The following FAF1 variants were observed in gnomAD, a reference collection of about 807,000 sequenced individuals.
FAF1 encodes the protein FAS-associated factor 1.
Under a neutral mutation model 92.5 loss-of-function variants are expected in FAF1, and 25 were observed. The ratio of observed to expected loss-of-function variants is 0.27; its 90% CI spans 0.20 to 0.38. FAF1 has a LOEUF of 0.38. Among genes scored for constraint, FAF1 ranks in the 10% least tolerant of loss-of-function variants. The probability of loss-of-function intolerance (pLI) is 1.00; values close to 1 mark genes in which losing one functional copy is unlikely to be tolerated. For synonymous variants in FAF1, 234 were observed against 273.2 expected (o/e 0.86, Z 1.42); for missense variants, 636 against 793.3 (o/e 0.80, Z 2.38).
At chr1:50,730,209 C>T (rs1392512586) in intron 6 of FAF1, among the ~76,000 whole-genome samples, 7 of 151,746 alleles carry the variant, frequency 4.6e-5, no homozygotes, top group African/African-American at 1.7e-4. Flanking sequence ...ATAAAATTTT[C>T]CATTTCACCT....
intron 6 of FAF1, among the ~76,000 whole-genome samples, chr1:50,735,018 G>A (rs1297824580): frequency 6.6e-6 from 1 of 152,152 alleles, no homozygotes; most frequent in Non-Finnish European, 1.5e-5. Context: ...GAATCTGGGT[G>A]AAGCAATCAA....
At chr1:50,819,638 TCACACACACACACA>T (rs375892280) in intron 2 of FAF1, among the ~76,000 whole-genome samples, 4 of 97,818 alleles carry the variant, frequency 4.1e-5, no homozygotes, top group African/African-American at 1.7e-4. Context: ...ACTGACTCAC[TCACACACACACACA>T]CACACACACA....
At chr1:50,566,644 G>C (rs1230465278) in intron 13 of FAF1, among the ~76,000 whole-genome samples, 1 of 152,056 alleles carries the variant, frequency 6.6e-6, no homozygotes, top group Admixed American at 6.6e-5. Flanking sequence ...ATATGCTAGA[G>C]TTAAGCTATT....
At chr1:50,613,968 G>A (rs1387725035) in intron 8 of FAF1, among the ~76,000 whole-genome samples, 1 of 151,910 alleles carries the variant, frequency 6.6e-6, no homozygotes, top group Non-Finnish European at 1.5e-5. Context: ...GTGGTGGCAC[G>A]TGCCTGTAAT....
intron 1 of FAF1, among the ~76,000 whole-genome samples, chr1:50,917,698 GGAAA>G (rs1644931037): frequency 1.5e-5 from 2 of 132,846 alleles, no homozygotes; most frequent in African/African-American, 5.4e-5. Flanking sequence ...GGAAAGGAAA[GGAAA>G]AGAAAGAAAA....
At chr1:50,548,134 T>C (rs2149044856) in intron 13 of FAF1, among the ~76,000 whole-genome samples, 2 of 152,296 alleles carry the variant, frequency 1.3e-5, no homozygotes, top group South Asian at 4.1e-4. Flanking sequence ...TTTTGCCTTT[T>C]ACCAACCAAT....
At chr1:50,927,541 CA>C (rs988313885) in intron 1 of FAF1, among the ~76,000 whole-genome samples, 44 of 150,696 alleles carry the variant, frequency 2.9e-4, no homozygotes, top group South Asian at 6.3e-4. Context: ...ACCCTGTCTC[CA>C]AAAAAAATAA....
At chr1:50,952,808 G>C (rs1175183352) in intron 1 of FAF1, among the ~76,000 whole-genome samples, 1 of 151,678 alleles carries the variant, frequency 6.6e-6, no homozygotes, top group African/African-American at 2.4e-5. Context: ...CCCCGTCTGG[G>C]AAGCGAGGAG....
intron 8 of FAF1, among the ~76,000 whole-genome samples, chr1:50,601,143 C>T (rs774669759): frequency 2.6e-5 from 4 of 152,104 alleles, no homozygotes; most frequent in South Asian, 2.1e-4. Context: ...AGAATCTTTT[C>T]GATGTTTCTT....
intron 4 of FAF1, among the ~76,000 whole-genome samples, chr1:50,785,771 T>G (rs1482636439): frequency 6.6e-6 from 1 of 152,192 alleles, no homozygotes; most frequent in Non-Finnish European, 1.5e-5. Flanking sequence ...TACCATCTAA[T>G]CCAGCAATCC....
chr1:50,939,995 C>T (rs59600829), intron 1 of FAF1, among the ~76,000 whole-genome samples: 10,085 of 152,304 alleles, frequency 0.066, 409 homozygotes, highest in East Asian at 0.095. Context: ...ACTGCAACCA[C>T]TGTCTCATGG....
chr1:50,713,788 T>C (rs2124440403), intron 6 of FAF1, among the ~76,000 whole-genome samples: 1 of 150,668 alleles, frequency 6.6e-6, no homozygotes, highest in East Asian at 2.0e-4. Flanking sequence ...TTTTTTTTTT[T>C]TTTGAGATGG....
intron 8 of FAF1, among the ~76,000 whole-genome samples, chr1:50,640,152 G>A (rs78171786): frequency 0.031 from 4,700 of 151,870 alleles, 252 homozygotes; most frequent in African/African-American, 0.11. Flanking sequence ...CCAATGTCTC[G>A]GACCAATTTT....
chr1:50,784,935 A>G (rs1048755971), intron 4 of FAF1, among the ~76,000 whole-genome samples: 7 of 152,152 alleles, frequency 4.6e-5, no homozygotes, highest in African/African-American at 7.2e-5. Flanking sequence ...TGGAAAGGAT[A>G]GTTTCTTCAA....
chr1:50,688,439 C>T (rs1656768382), intron 7 of FAF1, among the ~76,000 whole-genome samples: 1 of 152,102 alleles, frequency 6.6e-6, no homozygotes, highest in Non-Finnish European at 1.5e-5. Flanking sequence ...TGGAAACAAC[C>T]CAATGGTCTA....
intron 2 of FAF1, among the ~76,000 whole-genome samples, chr1:50,825,816 T>G (rs1036215040): frequency 6.6e-6 from 1 of 152,176 alleles, no homozygotes; most frequent in Admixed American, 6.5e-5. Context: ...AATCACATAG[T>G]ACATTTTCTA....
chr1:50,474,024 ATATC>A, intron 18 of FAF1, among the ~76,000 whole-genome samples: 1 of 152,358 alleles, frequency 6.6e-6, no homozygotes, highest in African/African-American at 2.4e-5. Context: ...CTCCATATAT[ATATC>A]TGTTATTACT....
At chr1:50,704,057 AT>A (rs1170074456) in intron 7 of FAF1, among the ~76,000 whole-genome samples, 2 of 152,172 alleles carry the variant, frequency 1.3e-5, no homozygotes, top group African/African-American at 4.8e-5. Context: ...GTCTTTTTAA[AT>A]CTCCCTGTTT....
intron 4 of FAF1, among the ~76,000 whole-genome samples, chr1:50,747,392 A>G (rs1366598791): frequency 6.6e-6 from 1 of 152,204 alleles, no homozygotes; most frequent in Non-Finnish European, 1.5e-5. Flanking sequence ...GAACATTAAG[A>G]TTTAATGACT....
Sources: gnomAD v4.1 joint callset for allele counts (sites outside exome capture counted in the v4.1 genomes callset) on GRCh38, gnomAD v4.1.1 for gene constraint, MANE v1.5 for transcripts, NCBI Gene and HGNC (gene_info 2026-07-23, HGNC 2026-07-21) for gene names.